The following HIRA variants were observed in gnomAD, a reference collection of about 807,000 sequenced individuals.
HIRA encodes protein HIRA.
Under a neutral mutation model 126.6 loss-of-function variants are expected in HIRA, and 13 were observed. The observed-to-expected ratio is 0.10, with a 90% CI of 0.07 to 0.16. The LOEUF is 0.16. Among genes scored for constraint, HIRA ranks in the 10% least tolerant of loss-of-function variants. The probability of loss-of-function intolerance (pLI) is 1.00; values close to 1 mark genes in which losing one functional copy is unlikely to be tolerated. For synonymous variants in HIRA, 511 were observed against 520.0 expected, an observed-to-expected ratio of 0.98 and a Z score of 0.24; for missense variants, 834 against 1,314.4, an observed-to-expected ratio of 0.63 and a Z score of 5.65.
chr22:19,398,153 C>T, intron 5 of HIRA, 66 bp from the exon 6 acceptor site: 1 of 1,257,884 alleles, frequency 7.9e-7, no homozygotes, highest in Non-Finnish European at 1.2e-6. Flanking sequence ...ATTAGCTTGG[C>T]CAGTGCCCCT....
chr22:19,365,982 T>C (rs1246595586), intron 15 of HIRA: 1 of 152,254 alleles, frequency 6.6e-6, no homozygotes, highest in Non-Finnish European at 1.5e-5. Flanking sequence ...TGATAAGTAG[T>C]GGTACTGTGC....
In HIRA at chr22:19,361,946, T is replaced by C. The variant is rs2088868050; in HGVS notation, c.1776-15A>G. On this transcript the variant is annotated splice_polypyrimidine_tract_variant and intron_variant, in intron 15 of 24. Coordinates refer to ENST00000263208, the MANE Select transcript of HIRA (RefSeq NM_003325.4). ...GCTCTTTTAACCTGCACAAAAACAT[T>C]ACATCACACTTCCCTTCAGAAACCA... The C allele has an allele frequency of 3.1e-6, 5 of 1,611,612 alleles. No homozygotes were observed. Among genetic ancestry groups the C allele is most frequent in the Middle Eastern group, 1.7e-4 (1 of 6,050 alleles).
intron 11 of HIRA, among the ~76,000 whole-genome samples, chr22:19,386,921 G>A (rs1240372206): frequency 2.6e-5 from 4 of 152,268 alleles, no homozygotes; most frequent in Non-Finnish European, 4.4e-5. Context: ...TTAGTGGGGA[G>A]GTCACACTGT....
chr22:19,407,938 T>C (rs2089321136), intron 3 of HIRA, among the ~76,000 whole-genome samples: 1 of 152,142 alleles, frequency 6.6e-6, no homozygotes, highest in Admixed American at 6.5e-5. Context: ...GTGAGTAACA[T>C]GCTCCAGGTC....
chr22:19,389,889 C>T (rs1040879744), intron 9 of HIRA, among the ~76,000 whole-genome samples: 2 of 150,016 alleles, frequency 1.3e-5, no homozygotes, highest in Non-Finnish European at 3.0e-5. Flanking sequence ...ACAACGCACA[C>T]AGTAATATAT....
chr22:19,431,311 C>T lies in HIRA; in HGVS notation c.37+129G>A, dbSNP rs144691991. ...TGAGGACAAAGTCCGCTCCCGCCGG[C>T]TTCTTGGCTTGGGCACCGGGTACCG... On this transcript the variant is annotated intron_variant, in intron 1 of 24. Transcript: ENST00000263208. 3,371 of 1,060,472 alleles carry T rather than the reference C, an allele frequency of 3.2e-3. 10 individuals are homozygous for T. Among genetic ancestry groups the T allele is most frequent in the Non-Finnish European group, 4.2e-3 (2,997 of 706,318 alleles). 65.7% of individuals were successfully genotyped at this position (1,060,472 alleles called of 1,614,324 possible).
chr22:19,349,431 T>A (rs782042168), intron 24 of HIRA, among the ~76,000 whole-genome samples: 2 of 152,092 alleles, frequency 1.3e-5, no homozygotes, highest in Admixed American at 6.6e-5. Context: ...AGAGAGGATA[T>A]TACATCTCTC....
chr22:19,426,365 C>T (rs1485904186), intron 1 of HIRA, among the ~76,000 whole-genome samples: 1 of 152,180 alleles, frequency 6.6e-6, no homozygotes, highest in East Asian at 1.9e-4. Context: ...TGTTTAGCCT[C>T]CCTCCTAACA....
intron 5 of HIRA, among the ~76,000 whole-genome samples, chr22:19,405,270 C>T (rs1357038197): frequency 6.6e-6 from 1 of 152,186 alleles, no homozygotes; most frequent in Admixed American, 6.5e-5. Context: ...CTAAATTGCA[C>T]TCAACCTGGT....
chr22:19,360,125 C>G (rs2088850135), intron 17 of HIRA, among the ~76,000 whole-genome samples: 1 of 152,142 alleles, frequency 6.6e-6, no homozygotes, highest in Non-Finnish European at 1.5e-5. Context: ...CAGATTTTCC[C>G]TGTGGTAAAA....
intron 15 of HIRA, among the ~76,000 whole-genome samples, chr22:19,369,774 A>C (rs1369555978): frequency 6.6e-6 from 1 of 152,104 alleles, no homozygotes; most frequent in Admixed American, 6.5e-5. Flanking sequence ...TGTACTAAAA[A>C]TACAAAAATT....
intron 1 of HIRA, among the ~76,000 whole-genome samples, chr22:19,420,020 G>A (rs1208636187): frequency 1.3e-5 from 2 of 151,358 alleles, no homozygotes; most frequent in Non-Finnish European, 2.9e-5. Context: ...CAGGAAGGAA[G>A]CTGTTGCACC....
At chr22:19,360,243 G>A (rs1414695209) in intron 17 of HIRA, among the ~76,000 whole-genome samples, 1 of 152,192 alleles carries the variant, frequency 6.6e-6, no homozygotes, top group African/African-American at 2.4e-5. Context: ...GTCCCAAGCA[G>A]TGCTTGGAGG....
chr22:19,371,411 AT>A lies in HIRA; in HGVS notation c.1775+4219del, dbSNP rs372816500. Among the ~76,000 whole-genome samples the A allele has an allele frequency of 6.0e-3, 909 of 151,498 alleles. 10 individuals are homozygous for A. The highest frequency in any genetic ancestry group is 0.021 in the African/African-American group (861 of 41,346). ...ATTATTATTTTTCTTTTCTAAAAGT[AT>A]TTTTTTTGGTTCATTTCCAAATCTG... On this transcript the variant is annotated intron_variant, in intron 15 of 24. Transcript: ENST00000263208.
chr22:19,331,276 G>A lies in HIRA; in HGVS notation c.*164C>T, dbSNP rs1556004491. ...AGGCAATGTCAGACCCAGGACACAG[G>A]GCACATCTGCCCAGGGAGCTGGGCT... On this transcript the variant is annotated 3_prime_UTR_variant, in exon 25 of 25. Transcript: ENST00000263208. The A allele has an allele frequency of 4.5e-6, 7 of 1,552,638 alleles. No individual in the cohort carries two copies. The highest frequency in any genetic ancestry group is 1.4e-5 in the African/African-American group (1 of 73,940).
intron 5 of HIRA, among the ~76,000 whole-genome samples, chr22:19,400,699 A>G (rs1244102394): frequency 6.6e-6 from 1 of 152,088 alleles, no homozygotes; most frequent in African/African-American, 2.4e-5. Flanking sequence ...GTAGATTTAC[A>G]TTTCTGGCCA....
intron 15 of HIRA, among the ~76,000 whole-genome samples, chr22:19,362,434 TATA>T (rs774367587): frequency 3.3e-4 from 50 of 152,278 alleles, no homozygotes; most frequent in Non-Finnish European, 7.1e-4. Flanking sequence ...CATGAAGTGG[TATA>T]ATATTATTTG....
chr22:19,371,783 A>T (rs1020721862), intron 15 of HIRA, among the ~76,000 whole-genome samples: 1 of 152,176 alleles, frequency 6.6e-6, no homozygotes, highest in Non-Finnish European at 1.5e-5. Context: ...GTTTATCGTT[A>T]TTGTAGCACA....
At chr22:19,405,727 G>T in intron 5 of HIRA, 59 bp downstream of exon 5, 1 of 1,218,848 alleles carries the variant, frequency 8.2e-7, no homozygotes, top group Non-Finnish European at 1.1e-6. Context: ...ACGTGGCGGT[G>T]CTGCTGATCT....
Sources: allele counts gnomAD v4.1 joint callset (sites outside exome capture counted in the v4.1 genomes callset), GRCh38; gene constraint gnomAD v4.1.1; transcripts MANE v1.5; gene names NCBI Gene and HGNC (gene_info 2026-07-23, HGNC 2026-07-21).